TAF1: variants seen among roughly 807,000 people sequenced by gnomAD.
The protein encoded by TAF1 is transcription initiation factor TFIID subunit 1.
In TAF1, 2 loss-of-function variants were observed where a neutral mutation model predicts 138.5. That is an observed-to-expected ratio of 0.01 (90% CI 0.01 to 0.05). TAF1 has a LOEUF of 0.05. TAF1 is among the 10% of genes least tolerant of loss of function. The pLI is 1.00. For missense variants in TAF1, 709 were observed against 1,478.0 expected (o/e 0.48, Z 8.53); for synonymous variants, 437 against 503.2 (o/e 0.87, Z 1.76).
At chrX:71,483,780 C>CTCTCTCTCTATA (rs1164519184) in intron 13 of TAF1, among the ~76,000 whole-genome samples, 2 of 37,572 alleles carry the variant, frequency 5.3e-5, no homozygotes, top group South Asian at 2.2e-3. Flanking sequence ...CTCTCTCTCT[C>CTCTCTCTCTATA]TATATATATA....
intron 24 of TAF1, among the ~76,000 whole-genome samples, chrX:71,401,162 A>G (rs1443243168): frequency 8.9e-6 from 1 of 111,939 alleles, no homozygotes; most frequent in Admixed American, 9.6e-5. Context: ...TCTATGTGTC[A>G]TTTCCATACA....
chrX:71,423,081 A>C, intron 29 of TAF1, 36 bp from the exon 30 acceptor site: 2 of 1,209,315 alleles, frequency 1.7e-6, no homozygotes, highest in Non-Finnish European at 1.1e-6. Context: ...CACCTTAGGG[A>C]AACCTCTGTC....
intron 24 of TAF1, among the ~76,000 whole-genome samples, chrX:71,400,202 G>A (rs2035105147): frequency 1.8e-5 from 2 of 109,715 alleles, no homozygotes; most frequent in African/African-American, 3.3e-5. Context: ...AGATTTTCGT[G>A]CCTCAGCCTC....
At chrX:71,387,520 C>T (rs1054588101) in intron 15 of TAF1, 59 bp downstream of exon 15, 4 of 1,163,010 alleles carry the variant, frequency 3.4e-6, no homozygotes, top group South Asian at 1.9e-5. Context: ...ATGTTGGGGC[C>T]GGGCATGGCG....
chrX:71,465,602 A>T lies in TAF1; in HGVS notation c.*1556A>T, dbSNP rs191990084. The T allele has an allele frequency of 1.8e-5, 2 of 112,102 alleles. No homozygotes were observed. The highest frequency in any genetic ancestry group is 5.6e-4 in the East Asian group (2 of 3,603). 9.2% of individuals were successfully genotyped at this position (112,102 alleles called of 1,213,427 possible). ...AGACTGAAAGATGGGCAGGAAGTAT[A>T]TCATCACAAGCTTTGTGTTTGATGT... On this transcript the variant is annotated 3_prime_UTR_variant, in exon 38 of 38. Coordinates refer to ENST00000423759, the MANE Select transcript of TAF1 (RefSeq NM_004606.5).
chrX:71,476,268 G>A (rs1478121826), intron 13 of TAF1, among the ~76,000 whole-genome samples: 1 of 111,304 alleles, frequency 9.0e-6, no homozygotes, highest in African/African-American at 3.3e-5. Context: ...ACTTTATATG[G>A]AAGAGGAACT....
chrX:71,461,801 C>A (rs1408883387), intron 37 of TAF1, among the ~76,000 whole-genome samples: 1 of 111,688 alleles, frequency 9.0e-6, no homozygotes, highest in African/African-American at 3.3e-5. Context: ...GTAAAACAGG[C>A]AATCATAGTG....
At chrX:71,382,477 C>T (rs2033958731) in intron 9 of TAF1, 59 bp from the exon 10 acceptor site, 1 of 1,174,415 alleles carries the variant, frequency 8.5e-7, no homozygotes, top group Middle Eastern at 3.1e-4. Context: ...GGATACTTGT[C>T]TGTAGGAAAG....
intron 13 of TAF1, among the ~76,000 whole-genome samples, chrX:71,503,172 G>A (rs1362986341): frequency 9.5e-6 from 1 of 105,527 alleles, no homozygotes; most frequent in East Asian, 2.9e-4. Flanking sequence ...TCAGGAGGTT[G>A]AGGCAGGAGA....
intron 28 of TAF1, among the ~76,000 whole-genome samples, chrX:71,419,776 G>T (rs1315665018): frequency 9.0e-6 from 1 of 111,041 alleles, no homozygotes; most frequent in African/African-American, 3.3e-5. Context: ...CAGCCCCCAG[G>T]GGGGTGAAAT....
intron 13 of TAF1, among the ~76,000 whole-genome samples, chrX:71,471,503 C>T (rs372265657): frequency 7.5e-5 from 7 of 92,965 alleles, no homozygotes; most frequent in Admixed American, 1.3e-4. Context: ...CTCCCTCTGT[C>T]GCCCAGGCTG....
intron 8 of TAF1, among the ~76,000 whole-genome samples, chrX:71,380,757 C>G (rs963628983): frequency 1.3e-4 from 15 of 111,658 alleles, no homozygotes; most frequent in African/African-American, 4.9e-4. Flanking sequence ...TTGGCGCGAT[C>G]TTGGCTCACT....
At chrX:71,454,552 TGTA>T (rs2038196471) in intron 33 of TAF1, among the ~76,000 whole-genome samples, 186 bp from the exon 34 acceptor site, 1 of 111,374 alleles carries the variant, frequency 9.0e-6, no homozygotes, top group Non-Finnish European at 1.9e-5. Flanking sequence ...TATTTTAAAA[TGTA>T]GTATTCCCTA....
At chrX:71,428,740 C>G (rs888413097) in intron 32 of TAF1, among the ~76,000 whole-genome samples, 5 of 111,672 alleles carry the variant, frequency 4.5e-5, no homozygotes, top group Non-Finnish European at 9.4e-5. Flanking sequence ...ACAGATTTAC[C>G]TAATAAGCTC....
At chrX:71,433,552 G>T (rs1034551044) in intron 32 of TAF1, among the ~76,000 whole-genome samples, 2 of 111,234 alleles carry the variant, frequency 1.8e-5, no homozygotes, top group Non-Finnish European at 3.8e-5. Flanking sequence ...CTAAGGAAAT[G>T]AGTATCCAGT....
At chrX:71,427,099 A>G (rs1168238207) in intron 32 of TAF1, among the ~76,000 whole-genome samples, 1 of 112,272 alleles carries the variant, frequency 8.9e-6, no homozygotes, top group Non-Finnish European at 1.9e-5. Flanking sequence ...AGAAAGACTG[A>G]TGAAGAAATA....
intron 13 of TAF1, among the ~76,000 whole-genome samples, chrX:71,500,430 A>G (rs1454969317): frequency 9.0e-6 from 1 of 110,960 alleles, no homozygotes; most frequent in Non-Finnish European, 1.9e-5. Context: ...ATTGGTCTCA[A>G]TGGCTTAGGA....
intron 13 of TAF1, among the ~76,000 whole-genome samples, chrX:71,478,957 CT>C (rs1427585562): frequency 8.9e-6 from 1 of 112,409 alleles, no homozygotes; most frequent in Non-Finnish European, 1.9e-5. Flanking sequence ...AATTCTACCC[CT>C]AGGTATATAT....
rs41481947 is a variant in TAF1, at chrX:71,431,003, ATTT to A, written c.4753+6792_4753+6794del. On this transcript the variant is annotated intron_variant, in intron 32 of 37. Coordinates refer to ENST00000423759, the MANE Select transcript of TAF1 (RefSeq NM_004606.5). ...GTGTACAGGTCCAAAGCTCAGAAGAATTTTTTTTTTTTTTTTTTTTTTTTTTTT... is the reference window on the plus strand; with the variant it reads ...GTGTACAGGTCCAAAGCTCAGAAGAATTTTTTTTTTTTTTTTTTTTTTTTT... Among the ~76,000 whole-genome samples, 685 of 68,505 alleles carry A rather than the reference ATTT, an allele frequency of 1.0e-2. 4 individuals carry two copies. Among genetic ancestry groups the A allele is most frequent in the African/African-American group, 0.037 (568 of 15,505 alleles). 59.5% of individuals were successfully genotyped at this position (68,505 alleles called of 115,157 possible).
Sources: gnomAD v4.1 joint callset for allele counts (sites outside exome capture counted in the v4.1 genomes callset) on GRCh38, gnomAD v4.1.1 for gene constraint, MANE v1.5 for transcripts, NCBI Gene and HGNC (gene_info 2026-07-23, HGNC 2026-07-21) for gene names.